COG5: variants seen among roughly 807,000 people sequenced by gnomAD.
COG5 encodes the protein component of oligomeric golgi complex 5.
In COG5, 86 loss-of-function variants were observed where a neutral mutation model predicts 110.4. That is an observed-to-expected ratio of 0.78 (90% confidence interval 0.65 to 0.93). COG5 has a LOEUF of 0.93. COG5 is among the 40% of genes least tolerant of loss of function. The pLI is 0.00. For synonymous variants in COG5, 360 were observed against 334.6 expected (o/e 1.08, Z -0.83); for missense variants, 1,077 against 987.0 (o/e 1.09, Z -1.22).
At position 107,555,968 on chromosome 7, in the gene COG5, G is replaced by A. The variant is rs117549267; in HGVS notation, c.235-1626C>T. 2.3e-3 allele frequency among the ~76,000 whole-genome samples: 343 copies of A among 151,142 alleles called. 1 individual carries two copies. Among genetic ancestry groups the A allele is most frequent in the Non-Finnish European group, 3.9e-3 (267 of 67,836 alleles). On this transcript the variant is annotated intron_variant, in intron 2 of 21. Coordinates refer to ENST00000297135, the MANE Select transcript of COG5 (RefSeq NM_006348.5). The stretch of plus-strand genomic sequence containing the variant: ...GGCAGAGGTTGCAGTGAGCAAGATC[G>A]TGCCACTTATACACCAGCCTGGGTG...
intron 7 of COG5, among the ~76,000 whole-genome samples, chr7:107,380,056 C>G (rs924955299): frequency 1.5e-4 from 23 of 152,124 alleles, no homozygotes; most frequent in African/African-American, 5.3e-4. Context: ...TGCAAAAGAA[C>G]GGAAATCCTA....
intron 16 of COG5, among the ~76,000 whole-genome samples, chr7:107,254,473 C>T (rs1802739380): frequency 6.6e-6 from 1 of 152,034 alleles, no homozygotes; most frequent in African/African-American, 2.4e-5. Context: ...AGTGTATTAA[C>T]ATGAGCAATG....
At chr7:107,224,534 C>G (rs1371147491) in intron 19 of COG5, among the ~76,000 whole-genome samples, 9 of 152,224 alleles carry the variant, frequency 5.9e-5, no homozygotes, top group Admixed American at 5.9e-4. Context: ...CAGGGACAAG[C>G]TGTCCCTTCA....
intron 16 of COG5, among the ~76,000 whole-genome samples, chr7:107,253,679 T>C (rs1379927152): frequency 6.6e-6 from 1 of 152,158 alleles, no homozygotes; most frequent in Non-Finnish European, 1.5e-5. Context: ...ATGGAGACTC[T>C]GCATCTGCTC....
chr7:107,563,874 A>G lies in COG5; in HGVS notation c.23T>C (p.Val8Ala), dbSNP rs1179862620. MEGGGGS[V>A]AVAGLGARGS... is the part of the protein sequence containing the mutation. ...TCGAGCTCCGAGGCCAGCTACAGCG[A>G]CGCTGCCGCCGCCACCTTCCATGTT... Residue 8 changes from valine to alanine, a missense_variant, in exon 1 of 22, where the codon GTC (valine) becomes GCC (alanine). Val to Ala is a moderately conservative substitution (Grantham distance 64). Transcript: ENST00000297135. 1.9e-6 allele frequency: 3 copies of G among 1,613,522 alleles called. No homozygotes were observed. The highest frequency in any genetic ancestry group is 2.5e-6 in the Non-Finnish European group (3 of 1,179,950).
chr7:107,270,074 C>A lies in COG5; in HGVS notation c.1575+11226G>T, dbSNP rs531389376. 1.1e-4 allele frequency among the ~76,000 whole-genome samples: 16 copies of A among 152,274 alleles called. No individual in the cohort carries two copies. In the East Asian group the frequency reaches 3.1e-3, roughly 29 times the overall value. On this transcript the variant is annotated intron_variant, in intron 14 of 21. Coordinates refer to ENST00000297135, the MANE Select transcript of COG5 (RefSeq NM_006348.5). ...TCAGTAATTGCCAGGCTGCTACTGC[C>A]TTTTTAGGCACTTGGACTTGCCTCT...
intron 14 of COG5, among the ~76,000 whole-genome samples, chr7:107,278,390 T>G (rs1804876222): frequency 6.6e-6 from 1 of 152,078 alleles, no homozygotes; most frequent in Non-Finnish European, 1.5e-5. Flanking sequence ...TCATCTACAT[T>G]AGGTATTTCT....
At chr7:107,553,624 A>G (rs1803084994) in intron 3 of COG5, among the ~76,000 whole-genome samples, 2 of 152,334 alleles carry the variant, frequency 1.3e-5, no homozygotes, top group South Asian at 4.1e-4. Flanking sequence ...CATATTTATG[A>G]GATGTAGTTT....
chr7:107,546,255 C>T (rs903056130), intron 5 of COG5, among the ~76,000 whole-genome samples: 8 of 152,118 alleles, frequency 5.3e-5, no homozygotes, highest in Admixed American at 3.9e-4. Flanking sequence ...TAAATGTCTA[C>T]ATCAAAAAAG....
chr7:107,290,396 G>C (rs1806063446), intron 12 of COG5, among the ~76,000 whole-genome samples: 1 of 152,110 alleles, frequency 6.6e-6, no homozygotes, highest in Non-Finnish European at 1.5e-5. Context: ...TAAATTAATA[G>C]AGACCTGTCT....
At chr7:107,504,058 C>T (rs1185622984) in intron 6 of COG5, among the ~76,000 whole-genome samples, 1 of 152,132 alleles carries the variant, frequency 6.6e-6, no homozygotes, top group African/African-American at 2.4e-5. Flanking sequence ...TCAAAGTGGG[C>T]ATCCTTGTCT....
At chr7:107,227,706 C>G (rs9641380) in intron 19 of COG5, among the ~76,000 whole-genome samples, 24,655 of 116,512 alleles carry the variant, frequency 0.21, 2,128 homozygotes, top group Non-Finnish European at 0.25. Context: ...TTTTTTGGGG[C>G]GGGGGGTGTG....
intron 10 of COG5, among the ~76,000 whole-genome samples, chr7:107,361,486 C>T (rs1009490842): frequency 6.6e-6 from 1 of 152,118 alleles, no homozygotes; most frequent in African/African-American, 2.4e-5. Context: ...TTAGTATATA[C>T]ATTACAGAAA....
At chr7:107,340,351 A>AT (rs1277124926) in intron 10 of COG5, among the ~76,000 whole-genome samples, 1 of 152,162 alleles carries the variant, frequency 6.6e-6, no homozygotes, top group Non-Finnish European at 1.5e-5. Flanking sequence ...GAACAGACCA[A>AT]TATCAAGTTT....
At chr7:107,287,200 T>C (rs148227501) in intron 12 of COG5, among the ~76,000 whole-genome samples, 1 of 152,328 alleles carries the variant, frequency 6.6e-6, no homozygotes, top group African/African-American at 2.4e-5. Context: ...TGTCAGTAAA[T>C]TGCAAAGTAG....
chr7:107,324,135 T>C (rs1161511354), intron 11 of COG5, among the ~76,000 whole-genome samples: 1 of 152,106 alleles, frequency 6.6e-6, no homozygotes, highest in Non-Finnish European at 1.5e-5. Flanking sequence ...ATTAACTGCT[T>C]TACACACTCT....
chr7:107,479,804 TTTAAA>T (rs1202029801), intron 6 of COG5, among the ~76,000 whole-genome samples: 1 of 152,200 alleles, frequency 6.6e-6, no homozygotes, highest in African/African-American at 2.4e-5. Context: ...GAATTGACGT[TTTAAA>T]TTATCTATTT....
intron 10 of COG5, among the ~76,000 whole-genome samples, chr7:107,342,206 C>T (rs1811218722): frequency 6.6e-6 from 1 of 151,776 alleles, no homozygotes; most frequent in African/African-American, 2.4e-5. Context: ...AAAAAGTGGA[C>T]AAAAGACATG....
intron 10 of COG5, among the ~76,000 whole-genome samples, chr7:107,339,021 T>C (rs575780257): frequency 2.6e-4 from 39 of 152,230 alleles, no homozygotes; most frequent in Middle Eastern, 3.4e-3. Context: ...AAACCTCAGC[T>C]ATCAATATAA....
Sources: allele counts gnomAD v4.1 joint callset (sites outside exome capture counted in the v4.1 genomes callset), GRCh38; gene constraint gnomAD v4.1.1; transcripts MANE v1.5; gene names NCBI Gene and HGNC (gene_info 2026-07-23, HGNC 2026-07-21).